Variants in DLG1 observed in about 807,000 individuals in gnomAD.
The protein encoded by DLG1 is disks large homolog 1.
Under a neutral mutation model 123.4 loss-of-function variants are expected in DLG1, and 42 were observed. That is an observed-to-expected ratio of 0.34 (90% CI 0.27 to 0.44). The LOEUF is 0.44. Among genes scored for constraint, DLG1 ranks in the 20% least tolerant of loss-of-function variants. The pLI, the probability that DLG1 is intolerant of heterozygous loss-of-function variation, is 1.00. For synonymous variants in DLG1, 317 were observed against 356.2 expected, an observed-to-expected ratio of 0.89 and a Z score of 1.24; for missense variants, 942 against 1,082.6, an observed-to-expected ratio of 0.87 and a Z score of 1.82.
chr3:197,238,829 AAGC>A (rs1342188615), intron 4 of DLG1, among the ~76,000 whole-genome samples: 2 of 152,230 alleles, frequency 1.3e-5, no homozygotes, highest in Non-Finnish European at 2.9e-5. Flanking sequence ...TATAAAGTGA[AAGC>A]AGTGCTAAGG....
chr3:197,140,089 GA>G (rs1787232082), intron 8 of DLG1, 50 bp downstream of exon 8: 1 of 1,586,852 alleles, frequency 6.3e-7, no homozygotes, highest in Non-Finnish European at 8.6e-7. Flanking sequence ...TCTGCTTCAA[GA>G]AAAATACACA....
chr3:197,272,489 A>T lies in DLG1; in HGVS notation c.318+10190T>A, dbSNP rs551120735. On this transcript the variant is annotated intron_variant, in intron 4 of 24. Transcript: ENST00000667157. Reference sequence around the variant, plus strand: ...TTTTGAAATAACACCTGTGGTTTTCATTGTGCCATTTTTCATAGTGTGGTG... The same window carrying T: ...TTTTGAAATAACACCTGTGGTTTTCTTTGTGCCATTTTTCATAGTGTGGTG... 2.0e-5 allele frequency among the ~76,000 whole-genome samples: 3 copies of T among 152,312 alleles called. No homozygotes were observed. The South Asian group carries it at 6.2e-4, about 32-fold the overall frequency.
At chr3:197,259,129 C>G (rs1758199667) in intron 4 of DLG1, among the ~76,000 whole-genome samples, 1 of 152,060 alleles carries the variant, frequency 6.6e-6, no homozygotes, top group Admixed American at 6.6e-5. Context: ...AGGCAAATCA[C>G]AGGGGAGAAC....
At chr3:197,252,806 G>C (rs953770543) in intron 4 of DLG1, among the ~76,000 whole-genome samples, 1 of 152,144 alleles carries the variant, frequency 6.6e-6, no homozygotes, top group African/African-American at 2.4e-5. Flanking sequence ...TGCATCTCAT[G>C]AATGTATTTA....
chr3:197,092,680 T>A (rs1758419650), intron 14 of DLG1, among the ~76,000 whole-genome samples: 1 of 152,032 alleles, frequency 6.6e-6, no homozygotes, highest in Admixed American at 6.6e-5. Flanking sequence ...AAAAATTATT[T>A]TTGGTAGAGA....
chr3:197,080,758 G>A lies in DLG1; in HGVS notation c.1905+293C>T, dbSNP rs572910129. 1.7e-3 allele frequency: 356 copies of A among 215,146 alleles called. 7 individuals are homozygous for A. In the South Asian group the frequency reaches 0.026, roughly 16 times the overall value. The allele number at this position is 215,146 out of a possible 1,614,324, so 13.3% of individuals were successfully genotyped here. A position where few individuals can be genotyped will look rare whatever the true frequency, so the allele number is the denominator to read the frequency against. On this transcript the variant is annotated intron_variant, in intron 17 of 24. Coordinates refer to ENST00000667157, the MANE Select transcript of DLG1 (RefSeq NM_001366207.1). ...ATTACAGGCGTGAGCCACCATGCCC[G>A]GCCTAGTAACACAAATTTCTAATTG...
chr3:197,291,300 TACACACACACACACACAC>T (rs33920543), intron 3 of DLG1, among the ~76,000 whole-genome samples: 23 of 143,188 alleles, frequency 1.6e-4, no homozygotes, highest in Non-Finnish European at 2.6e-4. Flanking sequence ...CCTACAAAGT[TACACACACACACACACAC>T]ACACACACAC....
At chr3:197,264,788 CAAAATCCAAA>C (rs1760994517) in intron 4 of DLG1, among the ~76,000 whole-genome samples, 2 of 152,066 alleles carry the variant, frequency 1.3e-5, no homozygotes, top group South Asian at 4.2e-4. Flanking sequence ...ATGCAAATAT[CAAAATCCAAA>C]TAAATCCAAA....
intron 4 of DLG1, among the ~76,000 whole-genome samples, chr3:197,247,994 G>C (rs1484837575): frequency 1.3e-5 from 2 of 152,032 alleles, no homozygotes; most frequent in Non-Finnish European, 2.9e-5. Flanking sequence ...ATAAGCCTTT[G>C]ACTTTGACTC....
Position 197,067,853 on chromosome 3 carries a change from G to A in DLG1, c.2048-1099C>T, listed in dbSNP as rs114942649. Among the ~76,000 whole-genome samples, 1,071 of 152,070 alleles carry A rather than the reference G, an allele frequency of 7.0e-3. 12 individuals carry two copies. Among genetic ancestry groups the A allele is most frequent in the African/African-American group, 0.023 (955 of 41,422 alleles). ...ATTACAGGCGTGAGCCGCCGCGCCC[G>A]GCCAAAAACTCTAGGAGTTTTAAAC... On this transcript the variant is annotated intron_variant, in intron 19 of 24. Transcript: ENST00000667157.
intron 4 of DLG1, among the ~76,000 whole-genome samples, chr3:197,245,450 C>G (rs1751162067): frequency 6.6e-6 from 1 of 152,188 alleles, no homozygotes; most frequent in African/African-American, 2.4e-5. Context: ...TCTTGGGTTT[C>G]TTCCTCCAAG....
intron 2 of DLG1, 161 bp from the exon 3 acceptor site, chr3:197,296,638 A>G: frequency 1.9e-6 from 1 of 513,218 alleles, no homozygotes; most frequent in South Asian, 4.1e-5. Flanking sequence ...GAATGACCAA[A>G]AAATAAAAAA....
chr3:197,232,553 TGAAACTCTG>T (rs1561586697), intron 4 of DLG1, among the ~76,000 whole-genome samples: 4 of 152,158 alleles, frequency 2.6e-5, no homozygotes, highest in African/African-American at 9.7e-5. Context: ...ATCATGGGTC[TGAAACTCTG>T]ACCTCTAACC....
intron 4 of DLG1, among the ~76,000 whole-genome samples, chr3:197,239,887 C>T (rs993366065): frequency 2.0e-5 from 3 of 146,464 alleles, no homozygotes; most frequent in Non-Finnish European, 3.0e-5. Flanking sequence ...AAGAATTGGA[C>T]TTCCACATCC....
At chr3:197,178,724 TC>T (rs750465473) in intron 5 of DLG1, among the ~76,000 whole-genome samples, 11 of 151,936 alleles carry the variant, frequency 7.2e-5, no homozygotes, top group Non-Finnish European at 1.2e-4. Flanking sequence ...TATCCACGAG[TC>T]AAAGGAGAAA....
rs760137308 is a variant in DLG1 at position 197,068,367 on chromosome 3, G to A, written c.2047+852C>T. 38 of 633,496 alleles carry A rather than the reference G, an allele frequency of 6.0e-5. No homozygotes were observed. In the Middle Eastern group the frequency reaches 2.5e-3, roughly 41 times the overall value. The allele number at this position is 633,496 out of a possible 1,614,324, so 39.2% of individuals were successfully genotyped here. A position where few individuals can be genotyped will look rare whatever the true frequency, so the allele number is the denominator to read the frequency against. On this transcript the variant is annotated intron_variant, in intron 19 of 24. Transcript: ENST00000667157. The stretch of plus-strand genomic sequence containing the variant: ...TAATTAATAAAATGCTGAAATACAG[G>A]AAATCATTTCCACACCAAAAAAAAA...
chr3:197,067,227 A>G (rs1740228267), intron 19 of DLG1, among the ~76,000 whole-genome samples: 1 of 152,022 alleles, frequency 6.6e-6, no homozygotes, highest in Non-Finnish European at 1.5e-5. Context: ...TCTTAAAATT[A>G]AAAATTATAA....
chr3:197,080,929 C>G, intron 17 of DLG1, 122 bp downstream of exon 17: 2 of 788,602 alleles, frequency 2.5e-6, no homozygotes, highest in Non-Finnish European at 3.9e-6. Context: ...GCTTAAGTAT[C>G]TACCATTGTA....
intron 4 of DLG1, among the ~76,000 whole-genome samples, chr3:197,278,500 GA>G (rs1767642150): frequency 6.6e-6 from 1 of 150,900 alleles, no homozygotes; most frequent in Non-Finnish European, 1.5e-5. Flanking sequence ...GTACAAAAAA[GA>G]AAAAAATCCC....
Sources: allele counts gnomAD v4.1 joint callset (sites outside exome capture counted in the v4.1 genomes callset), GRCh38; gene constraint gnomAD v4.1.1; transcripts MANE v1.5; gene names NCBI Gene and HGNC (gene_info 2026-07-23, HGNC 2026-07-21).